The following GRIK2 variants were observed in gnomAD, a reference collection of about 807,000 sequenced individuals.
The protein encoded by GRIK2 is glutamate ionotropic receptor kainate type subunit 2.
Under a neutral mutation model 100.3 loss-of-function variants are expected in GRIK2, and 32 were observed. The observed-to-expected ratio is 0.32, with a 90% CI of 0.24 to 0.43. The LOEUF (loss-of-function observed/expected upper bound fraction) is 0.43. Among genes scored for constraint, GRIK2 ranks in the 20% least tolerant of loss-of-function variants. GRIK2 has a pLI of 1.00. For missense variants in GRIK2, 843 were observed against 1,114.9 expected (o/e 0.76, Z 3.47); for synonymous variants, 417 against 389.4 (o/e 1.07, Z -0.83).
intron 2 of GRIK2, among the ~76,000 whole-genome samples, chr6:101,539,645 T>C (rs1310846304): frequency 6.6e-6 from 1 of 151,814 alleles, no homozygotes; most frequent in African/African-American, 2.4e-5. Flanking sequence ...TTATCTTTTA[T>C]TTTCTTTGCT....
chr6:101,618,831 G>A (rs918701066), intron 2 of GRIK2, among the ~76,000 whole-genome samples: 2 of 151,036 alleles, frequency 1.3e-5, no homozygotes, highest in Non-Finnish European at 3.0e-5. Context: ...AAGAAGAGTG[G>A]ATATTGTAGA....
chr6:101,661,358 A>T (rs1329043145), intron 4 of GRIK2, among the ~76,000 whole-genome samples: 1 of 151,782 alleles, frequency 6.6e-6, no homozygotes, highest in South Asian at 2.1e-4. Context: ...TTGACTTCAG[A>T]TGGCTGTGCT....
At chr6:101,401,300 C>T (rs747131920) in intron 2 of GRIK2, among the ~76,000 whole-genome samples, 1 of 152,148 alleles carries the variant, frequency 6.6e-6, no homozygotes, top group Non-Finnish European at 1.5e-5. Context: ...ACTCGCTGAT[C>T]ATTTCATATC....
At chr6:102,016,960 G>C (rs940793229) in intron 14 of GRIK2, among the ~76,000 whole-genome samples, 6 of 152,054 alleles carry the variant, frequency 3.9e-5, no homozygotes, top group African/African-American at 1.4e-4. Flanking sequence ...GAAGAGATTG[G>C]GGCCTCATAT....
intron 7 of GRIK2, among the ~76,000 whole-genome samples, chr6:101,778,087 A>G (rs983333655): frequency 1.3e-5 from 2 of 152,240 alleles, no homozygotes; most frequent in Admixed American, 6.5e-5. Context: ...CAGGCAAGGC[A>G]GTGTATGGAA....
rs541868289 is a variant in GRIK2, at chr6:101,781,551, A to AC, written c.952-18096dup. ...TCCTGTAGTAGATACATACATATAC[A>AC]CATATGCATACATACACACATACCC... On this transcript the variant is annotated intron_variant, in intron 7 of 16. Coordinates refer to ENST00000369134, the MANE Select transcript of GRIK2 (RefSeq NM_021956.5). Among the ~76,000 whole-genome samples, 297 of 152,310 alleles carry AC rather than the reference A, an allele frequency of 1.9e-3. 2 individuals carry two copies. The highest frequency in any genetic ancestry group is 0.018 in the Admixed American group (277 of 15,300).
intron 2 of GRIK2, among the ~76,000 whole-genome samples, chr6:101,435,877 TC>T (rs2128244594): frequency 6.6e-6 from 1 of 152,276 alleles, no homozygotes; most frequent in African/African-American, 2.4e-5. Context: ...GCTTCCTGGA[TC>T]TAGCTTGTCT....
intron 2 of GRIK2, among the ~76,000 whole-genome samples, chr6:101,553,687 G>A (rs1450653873): frequency 6.6e-6 from 1 of 152,150 alleles, no homozygotes; most frequent in East Asian, 1.9e-4. Context: ...GTATGAGCAA[G>A]TTAAATTTGT....
chr6:101,645,133 C>T (rs62421390), intron 4 of GRIK2, among the ~76,000 whole-genome samples: 17,750 of 150,242 alleles, frequency 0.12, 1,104 homozygotes, highest in Admixed American at 0.15. Context: ...ATAATAATGG[C>T]TGTAGAAAGC....
chr6:102,024,584 C>G (rs7738614), intron 14 of GRIK2, among the ~76,000 whole-genome samples: 58,609 of 150,852 alleles, frequency 0.39, 12,111 homozygotes, highest in African/African-American at 0.54. Context: ...ACCTTCGCTT[C>G]CTTTCAAGAG....
At chr6:101,981,890 G>T (rs930876805) in intron 14 of GRIK2, among the ~76,000 whole-genome samples, 1 of 151,882 alleles carries the variant, frequency 6.6e-6, no homozygotes, top group African/African-American at 2.4e-5. Flanking sequence ...TAGTTGAGCA[G>T]ATGAAAGATA....
rs79063123 is a variant in GRIK2, at chr6:101,883,190, G to A, written c.1525-6450G>A. Among the ~76,000 whole-genome samples the A allele has an allele frequency of 2.9e-3, 441 of 150,800 alleles. 1 individual carries two copies. The highest frequency in any genetic ancestry group is 0.01 in the African/African-American group (419 of 41,118). ...AATATCCCTACCTTTACTACTATGC[G>A]GTCTTTACAACAAAAATGACCCAAC... On this transcript the variant is annotated intron_variant, in intron 11 of 16. Coordinates refer to ENST00000369134, the MANE Select transcript of GRIK2 (RefSeq NM_021956.5).
chr6:101,844,036 T>C (rs941044637), intron 10 of GRIK2, among the ~76,000 whole-genome samples: 6 of 152,146 alleles, frequency 3.9e-5, no homozygotes, highest in African/African-American at 1.4e-4. Context: ...TAGATTATAC[T>C]GAATGAATGA....
chr6:101,882,968 A>G (rs997677779), intron 11 of GRIK2, among the ~76,000 whole-genome samples: 14 of 152,056 alleles, frequency 9.2e-5, no homozygotes, highest in Non-Finnish European at 1.9e-4. Flanking sequence ...ATTATTTATC[A>G]TAGCAAAAAT....
chr6:101,883,981 T>C (rs1016115808), intron 11 of GRIK2, among the ~76,000 whole-genome samples: 2 of 152,106 alleles, frequency 1.3e-5, no homozygotes, highest in South Asian at 4.1e-4. Flanking sequence ...GGAGTTAGGA[T>C]AGAAAAGAGA....
At chr6:102,024,879 G>A (rs1769610926) in intron 14 of GRIK2, among the ~76,000 whole-genome samples, 1 of 149,838 alleles carries the variant, frequency 6.7e-6, no homozygotes, top group Non-Finnish European at 1.5e-5. Flanking sequence ...AAACTGATTT[G>A]ATCATTACAA....
At chr6:101,744,620 C>G (rs1776312119) in intron 7 of GRIK2, 1 of 141,494 alleles carries the variant, frequency 7.1e-6, no homozygotes, top group African/African-American at 2.6e-5. Flanking sequence ...CTCTTGTTGC[C>G]CAGGCTGGAG....
intron 2 of GRIK2, among the ~76,000 whole-genome samples, chr6:101,592,551 C>T (rs910805624): frequency 1.5e-5 from 2 of 133,556 alleles, no homozygotes; most frequent in Non-Finnish European, 3.1e-5. Context: ...GTGTTGAAAG[C>T]GATTCTGGAA....
At chr6:101,789,757 A>T (rs995980153) in intron 7 of GRIK2, among the ~76,000 whole-genome samples, 2 of 152,060 alleles carry the variant, frequency 1.3e-5, no homozygotes, top group African/African-American at 4.8e-5. Flanking sequence ...TCATTGGTAG[A>T]TTGATGGGAA....
Sources: allele counts gnomAD v4.1 joint callset (sites outside exome capture counted in the v4.1 genomes callset), GRCh38; gene constraint gnomAD v4.1.1; transcripts MANE v1.5; gene names NCBI Gene and HGNC (gene_info 2026-07-23, HGNC 2026-07-21).